Variants in ARHGAP8 observed in about 807,000 individuals in gnomAD.
ARHGAP8 encodes the protein rho GTPase-activating protein 8.
ARHGAP8 carries 62 observed loss-of-function variants against 46.1 expected under a neutral mutation model. That is an observed-to-expected ratio of 1.34 (90% CI 1.10 to 1.66). ARHGAP8 has a LOEUF of 1.66. Among genes scored for constraint, ARHGAP8 ranks in the 40% most tolerant of loss-of-function variants. ARHGAP8 has a pLI of 0.00. For missense variants in ARHGAP8, 923 were observed against 568.4 expected (o/e 1.62, Z -6.34); for synonymous variants, 375 against 243.1 (o/e 1.54, Z -5.05).
intron 10 of ARHGAP8, among the ~76,000 whole-genome samples, chr22:44,855,297 T>C (rs575472408): frequency 6.6e-6 from 1 of 152,124 alleles, no homozygotes; most frequent in East Asian, 1.9e-4. Flanking sequence ...GCCTCCCAAG[T>C]AGCTGAGGCA....
intron 7 of ARHGAP8, among the ~76,000 whole-genome samples, chr22:44,841,024 A>G (rs1931616324): frequency 6.6e-6 from 1 of 152,190 alleles, no homozygotes; most frequent in South Asian, 2.1e-4. Context: ...TGCAGGCCTC[A>G]TACATGCAGG....
chr22:44,797,778 G>T (rs572163357), intron 2 of ARHGAP8, among the ~76,000 whole-genome samples: 1 of 152,148 alleles, frequency 6.6e-6, no homozygotes, highest in South Asian at 2.1e-4. Context: ...TCATGCCAGT[G>T]TGCATGTGAG....
intron 1 of ARHGAP8, among the ~76,000 whole-genome samples, chr22:44,767,163 T>C (rs530814617): frequency 6.6e-6 from 1 of 152,296 alleles, no homozygotes; most frequent in South Asian, 2.1e-4. Context: ...GTGGGGAAGT[T>C]GGATGTATCA....
chr22:44,862,139 C>A, intron 11 of ARHGAP8, 136 bp from the exon 12 acceptor site: 1 of 1,056,950 alleles, frequency 9.5e-7, no homozygotes, highest in South Asian at 2.1e-5. Context: ...GCACAGGGTC[C>A]CCATTACTGG....
chr22:44,814,553 C>G (rs1181211823), intron 4 of ARHGAP8, 119 bp from the exon 5 acceptor site: 2 of 811,790 alleles, frequency 2.5e-6, no homozygotes, highest in Admixed American at 2.9e-5. Context: ...TTAAATTGAT[C>G]CTGTTGAGAG....
chr22:44,806,349 A>G (rs1342293982), intron 3 of ARHGAP8, among the ~76,000 whole-genome samples: 2 of 152,198 alleles, frequency 1.3e-5, no homozygotes, highest in Admixed American at 1.3e-4. Context: ...GTGAGCTGAA[A>G]TCATGCATGG....
intron 4 of ARHGAP8, among the ~76,000 whole-genome samples, chr22:44,811,890 G>C (rs771030021): frequency 6.6e-6 from 1 of 151,900 alleles, no homozygotes; most frequent in Non-Finnish European, 1.5e-5. Flanking sequence ...TCTGCTACTC[G>C]GGAGGCTGAG....
intron 7 of ARHGAP8, among the ~76,000 whole-genome samples, chr22:44,830,852 T>G (rs530923036): frequency 2.0e-5 from 3 of 152,362 alleles, no homozygotes; most frequent in African/African-American, 7.2e-5. Flanking sequence ...TTTTATTTTT[T>G]ATCGTAGCCA....
intron 7 of ARHGAP8, among the ~76,000 whole-genome samples, chr22:44,844,761 C>T (rs1003561267): frequency 6.6e-6 from 1 of 152,202 alleles, no homozygotes; most frequent in African/African-American, 2.4e-5. Context: ...CCGCACCTGG[C>T]CAACATTTCT....
At chr22:44,814,786 G>T (rs2071758) in intron 5 of ARHGAP8, 28 bp downstream of exon 5, 2 of 1,611,314 alleles carry the variant, frequency 1.2e-6, no homozygotes, top group Non-Finnish European at 1.7e-6. Context: ...AGAGGACCTC[G>T]CTGGGGTTGG....
intron 4 of ARHGAP8, chr22:44,808,825 A>G (rs1929132044): frequency 5.4e-6 from 2 of 371,596 alleles, no homozygotes; most frequent in Non-Finnish European, 1.0e-5. Context: ...AAAAAAAACC[A>G]AAAACAAAAA....
chr22:44,862,589 T>C lies in ARHGAP8; in HGVS notation c.1296T>C (p.Arg432=), dbSNP rs899581729. The change falls in exon 12 of 12, where the codon CGT becomes CGC. Residue 432 remains arginine, a synonymous_variant. Coordinates refer to ENST00000356099, the MANE Select transcript of ARHGAP8 (RefSeq NM_181335.3). ...PPSPLMAARR[R]L ...GTCCCCTGATGGCAGCCAGAAGACGTCTCTAGTGTTGCGAACACTCTGTAT... is the reference window on the plus strand; with the variant it reads ...GTCCCCTGATGGCAGCCAGAAGACGCCTCTAGTGTTGCGAACACTCTGTAT... 4.4e-6 allele frequency: 7 copies of C among 1,576,174 alleles called. No homozygotes were observed. Among genetic ancestry groups the C allele is most frequent in the Non-Finnish European group, 6.1e-6 (7 of 1,156,828 alleles).
At chr22:44,814,637 G>A (rs376577277) in intron 4 of ARHGAP8, 35 bp from the exon 5 acceptor site, 22 of 1,597,100 alleles carry the variant, frequency 1.4e-5, no homozygotes, top group African/African-American at 4.0e-5. Context: ...CTCGGAGCGC[G>A]GCAGCCTGAA....
chr22:44,772,073 T>G (rs1926052003), intron 1 of ARHGAP8, among the ~76,000 whole-genome samples: 1 of 152,066 alleles, frequency 6.6e-6, no homozygotes, highest in South Asian at 2.1e-4. Context: ...TTAAGAAGTT[T>G]TCTTCTGTTC....
chr22:44,815,437 A>G (rs964842125), intron 5 of ARHGAP8, among the ~76,000 whole-genome samples: 4 of 151,292 alleles, frequency 2.6e-5, no homozygotes, highest in African/African-American at 9.8e-5. Flanking sequence ...TGTTGGCACA[A>G]ACTCTGTGGT....
intron 2 of ARHGAP8, among the ~76,000 whole-genome samples, chr22:44,800,186 C>T (rs1390420619): frequency 1.3e-5 from 2 of 150,688 alleles, no homozygotes; most frequent in African/African-American, 2.4e-5. Flanking sequence ...TCGCTGCAAC[C>T]TCTGCCTTCC....
At chr22:44,779,760 G>C (rs956994139) in intron 1 of ARHGAP8, among the ~76,000 whole-genome samples, 8 of 151,772 alleles carry the variant, frequency 5.3e-5, no homozygotes, top group African/African-American at 7.3e-5. Flanking sequence ...GTAGAGATGG[G>C]GTTTCACTGT....
Position 44,848,616 on chromosome 22 carries a change from G to A in ARHGAP8, c.749-316G>A, listed in dbSNP as rs369522843. On this transcript the variant is annotated intron_variant, in intron 9 of 11. Transcript: ENST00000356099. ...TGCCTGTCTCAGGCCCAGGGCCTGC[G>A]GTGTCATCTCTGCCACAGACCTGGC... 5.3e-5 allele frequency among the ~76,000 whole-genome samples: 8 copies of A among 152,322 alleles called. No individual in the cohort carries two copies. In the East Asian group the frequency reaches 1.2e-3, roughly 22 times the overall value.
At chr22:44,851,005 T>A (rs2070078704) in intron 10 of ARHGAP8, 1 of 150,714 alleles carries the variant, frequency 6.6e-6, no homozygotes, top group Non-Finnish European at 1.5e-5. Flanking sequence ...GAATCCTTTA[T>A]CTGTCCTTTG....
Sources: gnomAD v4.1 joint callset for allele counts (sites outside exome capture counted in the v4.1 genomes callset) on GRCh38, gnomAD v4.1.1 for gene constraint, MANE v1.5 for transcripts, NCBI Gene and HGNC (gene_info 2026-07-23, HGNC 2026-07-21) for gene names.